The following CSNK2A1 variants were observed in gnomAD, a reference collection of about 807,000 sequenced individuals.
The protein encoded by CSNK2A1 is casein kinase 2 alpha 1.
CSNK2A1 carries 10 observed loss-of-function variants against 62.9 expected under a neutral mutation model. The ratio of observed to expected loss-of-function variants is 0.16; its 90% CI spans 0.10 to 0.27. CSNK2A1 has a LOEUF of 0.27. CSNK2A1 is among the 10% of genes least tolerant of loss of function. The probability of loss-of-function intolerance (pLI) is 1.00; values close to 1 mark genes in which losing one functional copy is unlikely to be tolerated. For missense variants in CSNK2A1, 160 were observed against 492.0 expected, an observed-to-expected ratio of 0.33 and a Z score of 6.38; for synonymous variants, 124 against 167.8, an observed-to-expected ratio of 0.74 and a Z score of 2.02.
At chr20:485,979 A>G (rs1600368553) in intron 13 of CSNK2A1, among the ~76,000 whole-genome samples, 1 of 152,262 alleles carries the variant, frequency 6.6e-6, no homozygotes, top group African/African-American at 2.4e-5. Flanking sequence ...GCTCTGGCAC[A>G]TGTCACGGAA....
Position 515,304 on chromosome 20 carries a change from A to G in CSNK2A1, c.-109-6644T>C, listed in dbSNP as rs1279352013. On this transcript the variant is annotated intron_variant, in intron 2 of 13. Transcript: ENST00000217244. ...GCTTGACAGACTGTTGGTGCCATTC[A>G]TGGAGATAAGAGTGCACAAGATAGG... 2.0e-5 allele frequency among the ~76,000 whole-genome samples: 3 copies of G among 152,250 alleles called. No homozygotes were observed. The East Asian group carries it at 5.8e-4, about 29-fold the overall frequency.
intron 6 of CSNK2A1, chr20:498,603 A>C (rs138838755): frequency 6.2e-4 from 95 of 152,188 alleles, no homozygotes; most frequent in African/African-American, 2.3e-3. Flanking sequence ...CTTTCTCCCT[A>C]TCTCTGCAAC....
chr20:513,513 T>C (rs774239524), intron 2 of CSNK2A1, among the ~76,000 whole-genome samples: 1 of 152,236 alleles, frequency 6.6e-6, no homozygotes, highest in East Asian at 1.9e-4. Context: ...ACAAAAATTA[T>C]AGTAGCCGTG....
intron 7 of CSNK2A1, 49 bp from the exon 8 acceptor site, chr20:495,851 A>T: frequency 2.0e-6 from 3 of 1,509,912 alleles, no homozygotes; most frequent in Non-Finnish European, 2.8e-6. Context: ...AATACGTAAG[A>T]GTCCTTTACT....
intron 2 of CSNK2A1, among the ~76,000 whole-genome samples, chr20:522,336 T>TA (rs2018969187): frequency 6.6e-6 from 1 of 152,248 alleles, no homozygotes; most frequent in South Asian, 2.1e-4. Context: ...TCACTAGTGT[T>TA]AAGTCACTTT....
Position 483,856 on chromosome 20 carries a change from C to T in CSNK2A1, c.*105G>A, listed in dbSNP as rs2018005969. 5.9e-6 allele frequency: 6 copies of T among 1,009,482 alleles called. No individual in the cohort carries two copies. Among genetic ancestry groups the T allele is most frequent in the East Asian group, 3.2e-5 (1 of 31,692 alleles). 62.5% of individuals were successfully genotyped at this position (1,009,482 alleles called of 1,614,324 possible). A position where few individuals can be genotyped will look rare whatever the true frequency, so the allele number is the denominator to read the frequency against. On this transcript the variant is annotated 3_prime_UTR_variant, in exon 14 of 14. Coordinates refer to ENST00000217244, the MANE Select transcript of CSNK2A1 (RefSeq NM_177559.3). ...AAATCCACAAGCAACGGTTCAGACA[C>T]GGTGCTTCTGAAGTGTTTCACCCCT...
At chr20:537,373 C>T (rs1456889891) in intron 1 of CSNK2A1, among the ~76,000 whole-genome samples, 3 of 152,192 alleles carry the variant, frequency 2.0e-5, no homozygotes, top group Middle Eastern at 3.4e-3. Flanking sequence ...TTTTTAATGT[C>T]TAAGACTGAA....
At chr20:526,886 G>A (rs1447416634) in intron 2 of CSNK2A1, 7 of 152,180 alleles carry the variant, frequency 4.6e-5, no homozygotes, top group African/African-American at 1.7e-4. Context: ...GGAGGCGGCA[G>A]AGGTTGCAGT....
chr20:508,339 T>A, intron 3 of CSNK2A1, 112 bp downstream of exon 3: 1 of 1,150,596 alleles, frequency 8.7e-7, no homozygotes, highest in Non-Finnish European at 1.2e-6. Flanking sequence ...TGGGCTTTGA[T>A]CCTGAGGTAT....
At chr20:524,590 T>A (rs1232136477) in intron 2 of CSNK2A1, among the ~76,000 whole-genome samples, 1 of 145,860 alleles carries the variant, frequency 6.9e-6, no homozygotes, top group Admixed American at 6.8e-5. Context: ...ATTAGCTGGG[T>A]GTGGTGGCGG....
At chr20:541,546 T>C (rs2019450591) in intron 1 of CSNK2A1, among the ~76,000 whole-genome samples, 1 of 152,166 alleles carries the variant, frequency 6.6e-6, no homozygotes, top group African/African-American at 2.4e-5. Context: ...TGTTCAGAGA[T>C]AGAGACAATA....
In CSNK2A1 at chr20:475,436, G is replaced by A. The variant is rs2017828602; in HGVS notation, c.*8525C>T. ...GATCATGCCACCGCACTCCAGCCTG[G>A]GTGACAGAGTTAAGACTCTGACTCA... is the stretch of plus-strand genomic sequence containing the variant. On this transcript the variant is annotated 3_prime_UTR_variant, in exon 14 of 14. Coordinates refer to ENST00000217244, the MANE Select transcript of CSNK2A1 (RefSeq NM_177559.3). 6.7e-6 allele frequency: 1 copy of A among 150,204 alleles called. No individual in the cohort carries two copies. 9.3% of individuals were successfully genotyped at this position (150,204 alleles called of 1,614,324 possible).
At chr20:508,296 A>C in intron 3 of CSNK2A1, 155 bp downstream of exon 3, 1 of 793,366 alleles carries the variant, frequency 1.3e-6, no homozygotes, top group Non-Finnish European at 1.9e-6. Flanking sequence ...CTCACTGCAA[A>C]ACCAAATTTT....
chr20:516,516 T>C (rs1360466743), intron 2 of CSNK2A1, among the ~76,000 whole-genome samples: 1 of 152,194 alleles, frequency 6.6e-6, no homozygotes, highest in Admixed American at 6.5e-5. Context: ...AAATTGTCCA[T>C]TGCCAAAATC....
intron 1 of CSNK2A1, among the ~76,000 whole-genome samples, chr20:532,980 T>C (rs2019244652): frequency 6.6e-6 from 1 of 152,230 alleles, no homozygotes; most frequent in Admixed American, 6.5e-5. Context: ...ATTGTTTTTT[T>C]TCCTCCACTT....
chr20:539,975 G>C (rs555722479), intron 1 of CSNK2A1: 2 of 152,162 alleles, frequency 1.3e-5, no homozygotes, highest in Non-Finnish European at 2.9e-5. Flanking sequence ...CAGAGCCTCC[G>C]GTCCAAAGCA....
chr20:478,731 C>A lies in CSNK2A1; in HGVS notation c.*5230G>T. The A allele has an allele frequency of 3.3e-6, 1 of 303,380 alleles. No individual in the cohort carries two copies. The highest frequency in any genetic ancestry group is 6.5e-6 in the Non-Finnish European group (1 of 154,654). 18.8% of individuals were successfully genotyped at this position (303,380 alleles called of 1,614,324 possible). ...ACTGTTGAGCTCAGGAGTTCAAGAC[C>A]AGCCTGGGCAACACGGCAAAACTTC... is the stretch of plus-strand genomic sequence containing the variant. On this transcript the variant is annotated 3_prime_UTR_variant, in exon 14 of 14. Coordinates refer to ENST00000217244, the MANE Select transcript of CSNK2A1 (RefSeq NM_177559.3).
intron 1 of CSNK2A1, among the ~76,000 whole-genome samples, chr20:530,657 T>G (rs2019193977): frequency 1.3e-5 from 2 of 152,026 alleles, no homozygotes; most frequent in South Asian, 2.1e-4. Context: ...GCATTTTTAG[T>G]AGAGACAGGG....
At chr20:491,923 CAAAACA>C (rs928166133) in intron 9 of CSNK2A1, among the ~76,000 whole-genome samples, 18 of 152,026 alleles carry the variant, frequency 1.2e-4, no homozygotes, top group African/African-American at 3.4e-4. Context: ...GACTCCGTCT[CAAAACA>C]AAAACAAAAA....
Sources: gnomAD v4.1 joint callset for allele counts (sites outside exome capture counted in the v4.1 genomes callset) on GRCh38, gnomAD v4.1.1 for gene constraint, MANE v1.5 for transcripts, NCBI Gene and HGNC (gene_info 2026-07-23, HGNC 2026-07-21) for gene names.